Variants in C19orf44 observed in about 807,000 individuals in gnomAD.
C19orf44 encodes chromosome 19 open reading frame 44.
A neutral mutation model predicts 50.7 loss-of-function variants in C19orf44; 43 were observed. That is an observed-to-expected ratio of 0.85 (90% confidence interval 0.66 to 1.09). The LOEUF (loss-of-function observed/expected upper bound fraction) is 1.09, where lower values mean the gene tolerates loss of function less well. Ranked by LOEUF, C19orf44 falls within the 50% of genes least tolerant of loss-of-function variation. The pLI is 0.00. For synonymous variants in C19orf44, 298 were observed against 334.7 expected (o/e 0.89, Z 1.20); for missense variants, 722 against 836.2 (o/e 0.86, Z 1.68).
Position 16,501,357 on chromosome 19 carries a change from C to A in C19orf44, c.565C>A (p.Pro189Thr). Residue 189 changes from proline to threonine, a missense_variant, in exon 2 of 9, where the codon CCT becomes ACT. Coordinates refer to ENST00000221671, the MANE Select transcript of C19orf44 (RefSeq NM_032207.4). ...TGTTGAAAACATATCCCCTGAAGCA[C>A]CTGCTGGGAAAGAGAGGACTTTGCA... Reference protein sequence around the residue: ...APVENISPEAPAGKERTLQTP... With the variant: ...APVENISPEATAGKERTLQTP... The A allele has an allele frequency of 6.2e-7, 1 of 1,614,088 alleles. No individual in the cohort carries two copies. The highest frequency in any genetic ancestry group is 1.1e-5 in the South Asian group (1 of 91,076).
rs777858240 is a variant in C19orf44, at chr19:16,514,528, A to C, written c.1767A>C (p.Ala589=). 2.4e-5 allele frequency: 39 copies of C among 1,611,100 alleles called. No homozygotes were observed. The East Asian group carries it at 7.8e-4, about 32-fold the overall frequency. The change falls in exon 7 of 9, where the codon GCA becomes GCC. Residue 589 remains alanine, a synonymous_variant. Transcript: ENST00000221671. Reference sequence around the variant, plus strand: ...CCGCTTACAGCCCGGCCGTGCTGGCACTCCATGATGTGCTGAAGCAGCAGC... The same window carrying C: ...CCGCTTACAGCCCGGCCGTGCTGGCCCTCCATGATGTGCTGAAGCAGCAGC... ...ALTAYSPAVL[A]LHDVLKQQLS... is the part of the protein sequence containing the mutation.
chr19:16,503,290 G>T lies in C19orf44; in HGVS notation c.985G>T (p.Gly329Trp), dbSNP rs1406227022. 5 of 1,614,014 alleles carry T rather than the reference G, an allele frequency of 3.1e-6. No individual in the cohort carries two copies. The highest frequency in any genetic ancestry group is 1.3e-5 in the African/African-American group (1 of 74,914). The change falls in exon 3 of 9, where the codon GGG (glycine) becomes TGG (tryptophan). Residue 329 changes from glycine to tryptophan, a missense_variant. Transcript: ENST00000221671. ...AFSNSVSLKM[G>W]HVKLVSSPGR... ...TTCAAACTCAGTGTCTTTAAAGATG[G>T]GGCATGTCAAGCTTGTGTCCTCCCC...
At position 16,519,329 on chromosome 19, in the gene C19orf44, C is replaced by T. The variant is rs745446988; in HGVS notation, c.*41-765C>T. 6.2e-7 allele frequency: 1 copy of T among 1,612,936 alleles called. No individual in the cohort carries two copies. Among genetic ancestry groups the T allele is most frequent in the Non-Finnish European group, 8.5e-7 (1 of 1,179,878 alleles). On this transcript the variant is annotated intron_variant, in intron 8 of 8. Transcript: ENST00000221671. The surrounding 1 kb of genome is among the most constrained non-coding windows in gnomAD (Gnocchi z 6.0). ...TCCTGGATCCCTTGCTCCTTCGCAC[C>T]GAGGCCGCCTGAGCCGCTCCAGCCT...
intron 7 of C19orf44, 93 bp downstream of exon 7, chr19:16,514,756 TCCAGCGCTCAGCCCA>T: frequency 2.2e-6 from 3 of 1,358,274 alleles, no homozygotes; most frequent in Non-Finnish European, 2.9e-6. Context: ...GGGCCTGGGC[TCCAGCGCTCAGCCCA>T]GGGCTGCAGG....
At chr19:16,503,413 T>C (rs2093431736) in intron 3 of C19orf44, 33 bp downstream of exon 3, 7 of 1,580,038 alleles carry the variant, frequency 4.4e-6, no homozygotes, top group Non-Finnish European at 6.0e-6. Flanking sequence ...GCCAGTACCT[T>C]GGGCAGGAAG....
Position 16,500,894 on chromosome 19 carries a change from C to T in C19orf44, c.102C>T (p.Phe34=). Residue 34 remains phenylalanine, a synonymous_variant, in exon 2 of 9, where the codon TTC becomes TTT. Coordinates refer to ENST00000221671, the MANE Select transcript of C19orf44 (RefSeq NM_032207.4). ...CAACAATGGAAGAAATCAGAAACTTCCAGATCAGTAGAAATCTTACCAAAA... is the reference window on the plus strand; with the variant it reads ...CAACAATGGAAGAAATCAGAAACTTTCAGATCAGTAGAAATCTTACCAAAA... The part of the protein sequence containing the change: ...EDSTMEEIRN[F]QISRNLTKIA... 6.2e-7 allele frequency: 1 copy of T among 1,613,698 alleles called. No homozygotes were observed. The highest frequency in any genetic ancestry group is 8.5e-7 in the Non-Finnish European group (1 of 1,179,912).
rs1297903885 is a variant in C19orf44, at chr19:16,520,541, G to C, written c.*488G>C. 1 of 1,596,720 alleles carries C rather than the reference G, an allele frequency of 6.3e-7. No homozygotes were observed. Among genetic ancestry groups the C allele is most frequent in the Non-Finnish European group, 8.5e-7 (1 of 1,170,938 alleles). On this transcript the variant is annotated 3_prime_UTR_variant, in exon 9 of 9. Transcript: ENST00000221671. The surrounding 1 kb of genome is among the most constrained non-coding windows in gnomAD (Gnocchi z 4.0). ...AGAGGCCTGATGATCAGGTGCCCCA[G>C]TGGATGGGCTGCACCCAGCCCACCC...
At chr19:16,497,540 G>C (rs571010306) in intron 1 of C19orf44, among the ~76,000 whole-genome samples, 1 of 151,294 alleles carries the variant, frequency 6.6e-6, no homozygotes, top group Admixed American at 6.6e-5. Flanking sequence ...TAGTAGAGAC[G>C]GGGTTTTACC....
chr19:16,516,465 A>C (rs2093472384), intron 7 of C19orf44, among the ~76,000 whole-genome samples: 1 of 152,194 alleles, frequency 6.6e-6, no homozygotes, highest in African/African-American at 2.4e-5. Flanking sequence ...CTAAGTATCA[A>C]GGAATATCCA....
chr19:16,518,850 T>C (rs2085575718), intron 8 of C19orf44: 1 of 372,910 alleles, frequency 2.7e-6, no homozygotes, highest in African/African-American at 2.1e-5. Context: ...ATCCATCCCT[T>C]CGTGGCTGAA....
chr19:16,501,133 C>T lies in C19orf44; in HGVS notation c.341C>T (p.Ser114Phe). ...AATCGGAAGCTGCAGAGGAATTTGT[C>T]TGACACGGAATCTGACTCAATGACC... is the stretch of plus-strand genomic sequence containing the variant. ...IMNRKLQRNL[S>F]DTESDSMTAD... Residue 114 changes from serine (S) to phenylalanine (F), a missense_variant, in exon 2 of 9, where the codon TCT becomes TTT. Ser to Phe is a radical substitution (Grantham distance 155). Transcript: ENST00000221671. 6.2e-7 allele frequency: 1 copy of T among 1,614,118 alleles called. No individual in the cohort carries two copies. Among genetic ancestry groups the T allele is most frequent in the Non-Finnish European group, 8.5e-7 (1 of 1,180,048 alleles).
intron 1 of C19orf44, among the ~76,000 whole-genome samples, chr19:16,497,352 C>T (rs1329306719): frequency 1.0e-4 from 13 of 127,014 alleles, no homozygotes; most frequent in South Asian, 2.3e-4. Context: ...TTTTTCTTTC[C>T]TTTTTTTTTT....
Position 16,510,007 on chromosome 19 carries a change from GGGGGCC to G in C19orf44, c.1639+25_1639+30del. The G allele has an allele frequency of 6.2e-7, 1 of 1,614,074 alleles. No homozygotes were observed. The highest frequency in any genetic ancestry group is 8.5e-7 in the Non-Finnish European group (1 of 1,180,000). On this transcript the variant is annotated intron_variant, in intron 5 of 8. Transcript: ENST00000221671. Reference sequence around the variant, plus strand: ...ACCAAGGGTAAGCCTTGGGGCCCGTGGGGGCCGGGGCAGCCGGGACAGGAGCTCAGC... The same window carrying G: ...ACCAAGGGTAAGCCTTGGGGCCCGTGGGGGCAGCCGGGACAGGAGCTCAGC...
At position 16,519,393 on chromosome 19, in the gene C19orf44, G is replaced by A. The variant is rs566857773; in HGVS notation, c.*41-701G>A. The A allele has an allele frequency of 8.8e-5, 139 of 1,584,510 alleles. 2 individuals carry two copies. In the South Asian group the frequency reaches 1.4e-3, roughly 16 times the overall value. On this transcript the variant is annotated intron_variant, in intron 8 of 8. Coordinates refer to ENST00000221671, the MANE Select transcript of C19orf44 (RefSeq NM_032207.4). This position sits in a 1 kb window ranked among gnomAD's most constrained non-coding sequence, Gnocchi z 6.0. ...CAGTCACAACCACAACAAGGCGGAG[G>A]CAGATGGGGGTGCACGTGGGGGGCT...
chr19:16,503,346 G>C lies in C19orf44; in HGVS notation c.1041G>C (p.Glu347Asp). 1.2e-6 allele frequency: 2 copies of C among 1,613,174 alleles called. No individual in the cohort carries two copies. The highest frequency in any genetic ancestry group is 8.5e-7 in the Non-Finnish European group (1 of 1,179,152). ...GGAGTGAGGCTGAGACTGTGGACGA[G>C]CCAGTCTCAGAAGGTGCTGATGACA... ...PGRSEAETVD[E>D]PVSEGADDSL... The change falls in exon 3 of 9, where the codon GAG becomes GAC. Residue 347 changes from glutamate to aspartate, a missense_variant. Transcript: ENST00000221671.
intron 7 of C19orf44, among the ~76,000 whole-genome samples, chr19:16,515,354 C>T (rs945553222): frequency 2.6e-5 from 4 of 152,032 alleles, no homozygotes; most frequent in Non-Finnish European, 4.4e-5. Flanking sequence ...AGCAAGACTC[C>T]GTCTCAAAAA....
intron 8 of C19orf44, chr19:16,518,864 T>C: frequency 2.5e-6 from 1 of 406,126 alleles, no homozygotes; most frequent in East Asian, 5.7e-5. Flanking sequence ...GGCTGAAGAA[T>C]TTACTCGGGC....
At chr19:16,496,790 AAAGTTGTGAAGCCGT>A in intron 1 of C19orf44, 1 of 152,906 alleles carries the variant, frequency 6.5e-6, no homozygotes, top group South Asian at 2.0e-4. Context: ...GTAAATCTAC[AAAGTTGTGAAGCCGT>A]CGCCACCATC....
intron 3 of C19orf44, among the ~76,000 whole-genome samples, chr19:16,505,735 T>C: frequency 6.6e-6 from 1 of 152,150 alleles, no homozygotes. Context: ...CGGGCTGGAG[T>C]GCAGTGGCAT....
Sources: allele counts gnomAD v4.1 joint callset (sites outside exome capture counted in the v4.1 genomes callset), GRCh38; gene constraint gnomAD v4.1.1; non-coding constraint Gnocchi (gnomAD v3.1); transcripts MANE v1.5; gene names NCBI Gene and HGNC (gene_info 2026-07-23, HGNC 2026-07-21).